The following GLYAT variants were observed in gnomAD, a reference collection of about 807,000 sequenced individuals.
The protein encoded by GLYAT is glycine N-acyltransferase.
GLYAT carries 25 observed loss-of-function variants against 22.8 expected under a neutral mutation model. That is an observed-to-expected ratio of 1.09 (90% CI 0.80 to 1.53). The LOEUF (loss-of-function observed/expected upper bound fraction) is 1.53, where lower values mean the gene tolerates loss of function less well. Ranked by LOEUF, GLYAT falls within the 40% of genes most tolerant of loss-of-function variation. The pLI, the probability that GLYAT is intolerant of heterozygous loss-of-function variation, is 0.00. For missense variants in GLYAT, 411 were observed against 353.9 expected (o/e 1.16, Z -1.29); for synonymous variants, 140 against 122.7 (o/e 1.14, Z -0.93).
chr11:58,713,265 A>C (rs528136), intron 3 of GLYAT, among the ~76,000 whole-genome samples: 1 of 151,998 alleles, frequency 6.6e-6, no homozygotes, highest in Non-Finnish European at 1.5e-5. Context: ...ATTATTTCTG[A>C]ATTCTTTAAA....
At chr11:58,727,779 G>A (rs973087433) in intron 1 of GLYAT, among the ~76,000 whole-genome samples, 2 of 152,080 alleles carry the variant, frequency 1.3e-5, no homozygotes, top group Non-Finnish European at 2.9e-5. Context: ...ATATTTGATT[G>A]GTAAGGGAAG....
chr11:58,716,456 T>C (rs1856681704), intron 2 of GLYAT, among the ~76,000 whole-genome samples: 1 of 152,036 alleles, frequency 6.6e-6, no homozygotes, highest in Admixed American at 6.6e-5. Context: ...ATCGACTAAG[T>C]CTGAGTTTAT....
intron 4 of GLYAT, among the ~76,000 whole-genome samples, chr11:58,712,387 T>TAGTTGTTCTTGGTGACC (rs1317923611): frequency 1.6e-4 from 24 of 152,152 alleles, no homozygotes; most frequent in Non-Finnish European, 3.1e-4. Context: ...GGAACCATGA[T>TAGTTGTTCTTGGTGACC]AGTTGTTCTT....
intron 2 of GLYAT, among the ~76,000 whole-genome samples, chr11:58,716,460 A>T (rs1409451979): frequency 6.6e-6 from 1 of 152,088 alleles, no homozygotes; most frequent in Non-Finnish European, 1.5e-5. Context: ...ACTAAGTCTG[A>T]GTTTATCTGA....
At chr11:58,711,164 G>A (rs1219137879) in intron 4 of GLYAT, among the ~76,000 whole-genome samples, 16 of 152,196 alleles carry the variant, frequency 1.1e-4, no homozygotes. Flanking sequence ...CTTACTTGGA[G>A]ATGTTTTACC....
At chr11:58,721,681 CAGTT>C (rs1206724160) in intron 2 of GLYAT, among the ~76,000 whole-genome samples, 3 of 152,000 alleles carry the variant, frequency 2.0e-5, no homozygotes. Flanking sequence ...TACCATATTT[CAGTT>C]AGGACCAAAT....
In GLYAT at chr11:58,709,499, T is replaced by C. The variant is rs1856581793; in HGVS notation, c.*267A>G. On this transcript the variant is annotated 3_prime_UTR_variant, in exon 6 of 6. Coordinates refer to ENST00000344743, the MANE Select transcript of GLYAT (RefSeq NM_201648.3). The stretch of plus-strand genomic sequence containing the variant: ...GAAGTAATTTGGAGCAATATGTATC[T>C]GATGAAGTGTCATAGAGGTCCTGGA... 1 of 331,916 alleles carries C rather than the reference T, an allele frequency of 3.0e-6. No homozygotes were observed. 20.6% of individuals were successfully genotyped at this position (331,916 alleles called of 1,614,324 possible).
intron 2 of GLYAT, among the ~76,000 whole-genome samples, chr11:58,716,520 A>G (rs1856682454): frequency 6.6e-6 from 1 of 152,130 alleles, no homozygotes; most frequent in South Asian, 2.1e-4. Flanking sequence ...GAAATTTAGT[A>G]CAGTTTTGGC....
Position 58,709,914 on chromosome 11 carries a change from T to G in GLYAT, c.743A>C (p.Tyr248Ser). The stretch of plus-strand genomic sequence containing the variant: ...TTTGCCCAATTTCTGGGCGTGGGAA[T>G]AGATGACATACGTCACAAGGCCATG... ...RLHGLVTYVIYSHAQKLGKLG... is the reference protein window; with the variant it reads ...RLHGLVTYVISSHAQKLGKLG... The change falls in exon 6 of 6, where the codon TAT (tyrosine) becomes TCT (serine). Residue 248 changes from tyrosine (Y) to serine (S), a missense_variant. Coordinates refer to ENST00000344743, the MANE Select transcript of GLYAT (RefSeq NM_201648.3). 1.9e-6 allele frequency: 3 copies of G among 1,614,100 alleles called. No individual in the cohort carries two copies. The highest frequency in any genetic ancestry group is 2.5e-6 in the Non-Finnish European group (3 of 1,179,982).
intron 2 of GLYAT, among the ~76,000 whole-genome samples, chr11:58,717,666 G>A (rs913707357): frequency 1.3e-5 from 2 of 152,016 alleles, no homozygotes; most frequent in African/African-American, 2.4e-5. Flanking sequence ...ATAACATTAG[G>A]CGAGACTAGA....
rs149403149 is a variant in GLYAT at position 58,712,812 on chromosome 11, T to C, written c.264A>G (p.Glu88=). 4.2e-5 allele frequency: 67 copies of C among 1,611,662 alleles called. No individual in the cohort carries two copies. In the African/African-American group the frequency reaches 7.6e-4, roughly 18 times the overall value. Residue 88 remains glutamate (E), a synonymous_variant, in exon 4 of 6, where the codon GAA becomes GAG. Coordinates refer to ENST00000344743, the MANE Select transcript of GLYAT (RefSeq NM_201648.3). ...IYSKDPQNCQ[E]FLGSPELINW... is the part of the protein sequence containing the mutation. ...TGATGAGTTCTGGTGATCCAAGGAA[T>C]TCCTGACAGTTTTGGGGATCTTTGG...
At chr11:58,731,137 C>T (rs936464004) in intron 1 of GLYAT, among the ~76,000 whole-genome samples, 3 of 152,050 alleles carry the variant, frequency 2.0e-5, no homozygotes, top group African/African-American at 7.2e-5. Context: ...AACAATAAAT[C>T]TTGTCTGTAT....
chr11:58,717,163 T>A (rs180905377), intron 2 of GLYAT, among the ~76,000 whole-genome samples: 1 of 152,234 alleles, frequency 6.6e-6, no homozygotes, highest in East Asian at 1.9e-4. Flanking sequence ...CCCCCCATCC[T>A]TTTTGTAAAA....
rs577561815 is a variant in GLYAT, at chr11:58,710,091, C to T, written c.566G>A (p.Gly189Asp). 1.4e-5 allele frequency: 22 copies of T among 1,614,054 alleles called. No homozygotes were observed. The South Asian group carries it at 2.3e-4, about 17-fold the overall frequency. Residue 189 changes from glycine (G) to aspartate (D), a missense_variant, in exon 6 of 6, where the codon GGT becomes GAT. Physicochemically the swap from Gly to Asp is moderately conservative, Grantham distance 94 (BLOSUM62 -1). Transcript: ENST00000344743. ...HLVNKFWHFGGNERSQRFIER... is the reference protein window; with the variant it reads ...HLVNKFWHFGDNERSQRFIER... The stretch of plus-strand genomic sequence containing the variant: ...AATGAATCTCTGGCTCCTCTCATTA[C>T]CACCAAAATGCCAGAATTTATTCAC...
At position 58,710,023 on chromosome 11, in the gene GLYAT, G is replaced by A. The variant is rs752125820; in HGVS notation, c.634C>T (p.Pro212Ser). 6 of 1,613,980 alleles carry A rather than the reference G, an allele frequency of 3.7e-6. No homozygotes were observed. The highest frequency in any genetic ancestry group is 1.1e-5 in the South Asian group (1 of 91,086). Residue 212 changes from proline (P) to serine (S), a missense_variant, in exon 6 of 6, where the codon CCT (proline) becomes TCT (serine). Transcript: ENST00000344743. ...TCCCAGCACACAGGGGTCCCCTCAG[G>A]CCCCAGGAGACAGCAGGTGGGAAAG... ...QTFPTCCLLGPEGTPVCWDLM... is the reference protein window; with the variant it reads ...QTFPTCCLLGSEGTPVCWDLM...
intron 2 of GLYAT, 63 bp downstream of exon 2, chr11:58,724,353 C>G: frequency 2.3e-6 from 2 of 857,400 alleles, no homozygotes; most frequent in Non-Finnish European, 3.8e-6. Context: ...ATATCAGTCC[C>G]TTTCCCTCCT....
chr11:58,730,729 C>T (rs773083778), intron 1 of GLYAT, among the ~76,000 whole-genome samples: 2 of 152,158 alleles, frequency 1.3e-5, no homozygotes, highest in Non-Finnish European at 2.9e-5. Flanking sequence ...TATGTTCATA[C>T]CACTGCACTC....
intron 1 of GLYAT, among the ~76,000 whole-genome samples, chr11:58,725,967 A>G (rs1416017478): frequency 6.6e-6 from 1 of 152,090 alleles, no homozygotes; most frequent in African/African-American, 2.4e-5. Flanking sequence ...AGTTCATATC[A>G]TAATTAAACT....
rs142339923 is a variant in GLYAT at position 58,712,822 on chromosome 11, T to G, written c.254A>C (p.Asn85Thr). ...TGGTGATCCAAGGAATTCCTGACAGTTTTGGGGATCTTTGGAGTAGATTTG... is the reference window on the plus strand; with the variant it reads ...TGGTGATCCAAGGAATTCCTGACAGGTTTGGGGATCTTTGGAGTAGATTTG... ...TYQIYSKDPQ[N>T]CQEFLGSPEL... Residue 85 changes from asparagine (N) to threonine (T), a missense_variant, in exon 4 of 6, where the codon AAC (asparagine) becomes ACC (threonine). Transcript: ENST00000344743. 1.5e-3 allele frequency: 2,487 copies of G among 1,610,028 alleles called. 1 individual carries two copies. Among genetic ancestry groups the G allele is most frequent in the Middle Eastern group, 2.5e-3 (15 of 6,044 alleles).
Sources: gnomAD v4.1 joint callset for allele counts (sites outside exome capture counted in the v4.1 genomes callset) on GRCh38, gnomAD v4.1.1 for gene constraint, MANE v1.5 for transcripts, NCBI Gene and HGNC (gene_info 2026-07-23, HGNC 2026-07-21) for gene names.